HP1BP3: variants seen among roughly 807,000 people sequenced by gnomAD.
The protein encoded by HP1BP3 is heterochromatin protein 1 binding protein 3.
Under a neutral mutation model 62.5 loss-of-function variants are expected in HP1BP3, and 12 were observed. The ratio of observed to expected loss-of-function variants is 0.19; its 90% CI spans 0.12 to 0.31. The LOEUF is 0.31. Among genes scored for constraint, HP1BP3 ranks in the 10% least tolerant of loss-of-function variants. The probability of loss-of-function intolerance (pLI) is 1.00; values close to 1 mark genes in which losing one functional copy is unlikely to be tolerated. For synonymous variants in HP1BP3, 260 were observed against 237.8 expected (o/e 1.09, Z -0.86); for missense variants, 502 against 651.8 (o/e 0.77, Z 2.50).
intron 9 of HP1BP3, chr1:20,750,131 C>A (rs1320328932): frequency 7.5e-6 from 4 of 532,812 alleles, no homozygotes; most frequent in Non-Finnish European, 1.2e-5. Flanking sequence ...AATAGCCAAC[C>A]TAACCCAAAG....
chr1:20,767,999 CA>C (rs1232067422), intron 6 of HP1BP3, among the ~76,000 whole-genome samples: 2 of 147,510 alleles, frequency 1.4e-5, no homozygotes, highest in East Asian at 3.9e-4. Flanking sequence ...AAAAATGTCC[CA>C]AAAAAGGAAG....
chr1:20,775,767 T>C, intron 4 of HP1BP3: 1 of 456,982 alleles, frequency 2.2e-6, no homozygotes, highest in African/African-American at 2.0e-5. Context: ...AGTAACATGC[T>C]GTACAGGTTT....
intron 12 of HP1BP3, 26 bp downstream of exon 12, chr1:20,745,517 C>G (rs757673119): frequency 6.2e-7 from 1 of 1,612,448 alleles, no homozygotes; most frequent in South Asian, 1.1e-5. Flanking sequence ...GTGTCCTCCC[C>G]ACAAGGGGTT....
intron 11 of HP1BP3, among the ~76,000 whole-genome samples, chr1:20,746,129 G>GTATGAACCTTGATTCCTTTGATTA (rs1553157251): frequency 6.6e-6 from 1 of 151,610 alleles, no homozygotes; most frequent in Non-Finnish European, 1.5e-5. Flanking sequence ...GTCCTTGGTG[G>GTATGAACCTTGATTCCTTTGATTA]TATGAACCTT....
chr1:20,740,888 T>C lies in HP1BP3; in HGVS notation c.*3909A>G, dbSNP rs537135142. On this transcript the variant is annotated 3_prime_UTR_variant, in exon 13 of 13. Coordinates refer to ENST00000438032, the MANE Select transcript of HP1BP3 (RefSeq NM_001372052.1). ...TAATTTCTTAAGAAAATAATGCAGC[T>C]GATTAGGGGTACTGTTTAACCATCT... 2.8e-4 allele frequency among the ~76,000 whole-genome samples: 42 copies of C among 152,342 alleles called. No individual in the cohort carries two copies. Among genetic ancestry groups the C allele is most frequent in the African/African-American group, 9.9e-4 (41 of 41,580 alleles).
chr1:20,768,718 TA>T (rs780700152), intron 6 of HP1BP3, among the ~76,000 whole-genome samples: 26 of 152,070 alleles, frequency 1.7e-4, no homozygotes, highest in Non-Finnish European at 3.4e-4. Context: ...CGGGCGCCTG[TA>T]ATCCCAGCTA....
At chr1:20,745,469 C>A in intron 12 of HP1BP3, 74 bp downstream of exon 12, 1 of 1,512,870 alleles carries the variant, frequency 6.6e-7, no homozygotes, top group Non-Finnish European at 8.9e-7. Context: ...TAGCTTTAGC[C>A]CCTCCTATAG....
At chr1:20,768,339 G>A (rs1293807342) in intron 6 of HP1BP3, among the ~76,000 whole-genome samples, 1 of 151,940 alleles carries the variant, frequency 6.6e-6, no homozygotes, top group Non-Finnish European at 1.5e-5. Context: ...CCAGCTATTC[G>A]GGAGGCTGAG....
In HP1BP3 at chr1:20,757,249, G is replaced by A; in HGVS notation, c.898C>T (p.Leu300=). The A allele has an allele frequency of 1.9e-6, 3 of 1,592,004 alleles. No individual in the cohort carries two copies. The highest frequency in any genetic ancestry group is 2.6e-6 in the Non-Finnish European group (3 of 1,172,642). The change falls in exon 9 of 13, where the codon CTG becomes TTG. Residue 300 remains leucine, a synonymous_variant. Transcript: ENST00000438032. The part of the protein sequence containing the change: ...PKLRVDIRPQ[L]LKNALQRAVE... ...GCTCTCTGCAGAGCGTTCTTCAACA[G>A]CTGAGGCCTGCAAAGAAAAACAAAA...
intron 3 of HP1BP3, among the ~76,000 whole-genome samples, chr1:20,779,391 T>C (rs774136513): frequency 6.6e-6 from 1 of 152,134 alleles, no homozygotes; most frequent in Non-Finnish European, 1.5e-5. Context: ...CAATACCTGT[T>C]ATAGATCAAC....
At chr1:20,765,602 TC>T (rs1317751900) in intron 7 of HP1BP3, 71 bp from the exon 8 acceptor site, 1 of 1,219,034 alleles carries the variant, frequency 8.2e-7, no homozygotes, top group Non-Finnish European at 1.2e-6. Context: ...TCAAGGGCTT[TC>T]CTCAGTTGAT....
chr1:20,779,792 G>A lies in HP1BP3; in HGVS notation c.196+20C>T. On this transcript the variant is annotated intron_variant, in intron 3 of 12. Transcript: ENST00000438032. Reference sequence around the variant, plus strand: ...AGTATAACTTTTGATGTTTTAAGCTGTGTCACCATTTTACTTTACCTGGCT... The same window carrying A: ...AGTATAACTTTTGATGTTTTAAGCTATGTCACCATTTTACTTTACCTGGCT... The A allele has an allele frequency of 6.5e-7, 1 of 1,536,244 alleles. No homozygotes were observed. Among genetic ancestry groups the A allele is most frequent in the Non-Finnish European group, 9.0e-7 (1 of 1,115,316 alleles).
intron 4 of HP1BP3, chr1:20,774,334 T>A (rs1570653999): frequency 7.1e-6 from 1 of 141,714 alleles, no homozygotes; most frequent in Non-Finnish European, 1.5e-5. Flanking sequence ...TGAGACGCCA[T>A]CTCCATTAAA....
intron 3 of HP1BP3, 101 bp downstream of exon 3, chr1:20,779,711 G>GAAAAAA: frequency 2.6e-5 from 13 of 491,798 alleles, no homozygotes; most frequent in South Asian, 5.0e-5. Context: ...ACTTAGCCAT[G>GAAAAAA]AAAAAAAAAA....
intron 7 of HP1BP3, among the ~76,000 whole-genome samples, chr1:20,767,279 G>A (rs1233186964): frequency 6.6e-6 from 1 of 152,164 alleles, no homozygotes; most frequent in Non-Finnish European, 1.5e-5. Context: ...TCATGTCACT[G>A]CACTACAGCA....
chr1:20,754,841 T>G (rs1254664664), intron 9 of HP1BP3, among the ~76,000 whole-genome samples: 1 of 152,194 alleles, frequency 6.6e-6, no homozygotes, highest in African/African-American at 2.4e-5. Context: ...CAGACCTAAA[T>G]GTAGGAGCCA....
intron 11 of HP1BP3, 108 bp downstream of exon 11, chr1:20,747,436 G>C: frequency 4.2e-6 from 3 of 707,936 alleles, no homozygotes; most frequent in Non-Finnish European, 7.0e-6. Context: ...AACAAAGGAC[G>C]ACTGTATTTC....
At chr1:20,765,912 G>T (rs1333674869) in intron 7 of HP1BP3, among the ~76,000 whole-genome samples, 2 of 149,964 alleles carry the variant, frequency 1.3e-5, no homozygotes, top group African/African-American at 4.9e-5. Context: ...TTGCAGTGAT[G>T]CAAGATGGAG....
Position 20,744,888 on chromosome 1 carries a change from G to A in HP1BP3, c.1571C>T (p.Ser524Leu). Residue 524 changes from serine (S) to leucine (L), a missense_variant, in exon 13 of 13, where the codon TCA becomes TTA. By Grantham distance (145) the Ser-to-Leu change is moderately radical. This residue lies in a region of HP1BP3 where 194 missense variants were observed against 207.0 expected (regional missense o/e 0.94). Transcript: ENST00000438032. ...TCTTGCACTGGTTGCAGGCTTCTTT[G>A]AGGAGCCACCACTAGGTTTCTTGAT... ...TVIKKPSGGS[S>L]KKPATSARKE... is the part of the protein sequence containing the mutation. 1.9e-6 allele frequency: 3 copies of A among 1,614,144 alleles called. No individual in the cohort carries two copies. The highest frequency in any genetic ancestry group is 2.5e-6 in the Non-Finnish European group (3 of 1,180,010).
Sources: allele counts gnomAD v4.1 joint callset (sites outside exome capture counted in the v4.1 genomes callset), GRCh38; gene constraint gnomAD v4.1.1; regional missense constraint gnomAD v4.1.1; transcripts MANE v1.5; gene names NCBI Gene and HGNC (gene_info 2026-07-23, HGNC 2026-07-21).